Variants in R3HDM2 observed in about 807,000 individuals in gnomAD.
R3HDM2 encodes R3H domain containing 2.
A neutral mutation model predicts 124.5 loss-of-function variants in R3HDM2; 38 were observed. That is an observed-to-expected ratio of 0.31 (90% CI 0.24 to 0.40). R3HDM2 has a LOEUF of 0.40. Among genes scored for constraint, R3HDM2 ranks in the 10% least tolerant of loss-of-function variants. The pLI is 1.00. For synonymous variants in R3HDM2, 391 were observed against 448.0 expected (o/e 0.87, Z 1.61); for missense variants, 869 against 1,236.9 (o/e 0.70, Z 4.46).
intron 12 of R3HDM2, among the ~76,000 whole-genome samples, chr12:57,285,926 C>T (rs2047231692): frequency 6.6e-6 from 1 of 152,144 alleles, no homozygotes; most frequent in African/African-American, 2.4e-5. Flanking sequence ...CCAGTTTCCC[C>T]AAGACAGTGA....
rs371280595 is a variant in R3HDM2, at chr12:57,359,861, T to C, written c.-36+35888A>G. On this transcript the variant is annotated intron_variant, in intron 2 of 23. Transcript: ENST00000402412. Reference sequence around the variant, plus strand: ...TTTAAGAAGTGGTTTATTTAGTGTATACTTTTATCATAATCTATATTAAAG... The same window carrying C: ...TTTAAGAAGTGGTTTATTTAGTGTACACTTTTATCATAATCTATATTAAAG... Among the ~76,000 whole-genome samples, 21 of 151,926 alleles carry C rather than the reference T, an allele frequency of 1.4e-4. No homozygotes were observed. The East Asian group carries it at 2.9e-3, about 21-fold the overall frequency.
chr12:57,375,901 T>C (rs911992217), intron 2 of R3HDM2, among the ~76,000 whole-genome samples: 2 of 152,078 alleles, frequency 1.3e-5, no homozygotes, highest in Non-Finnish European at 2.9e-5. Flanking sequence ...CTCGATCTCC[T>C]GACCTCGTGA....
At chr12:57,283,259 A>G in intron 13 of R3HDM2, among the ~76,000 whole-genome samples, 1 of 152,192 alleles carries the variant, frequency 6.6e-6, no homozygotes, top group East Asian at 1.9e-4. Context: ...GTTCCACCTT[A>G]CATGAAAATC....
At chr12:57,409,689 T>A (rs11172203) in intron 1 of R3HDM2, among the ~76,000 whole-genome samples, 55,948 of 139,400 alleles carry the variant, frequency 0.4, 11,733 homozygotes, top group Middle Eastern at 0.76. Flanking sequence ...AGCCCCTTTA[T>A]CCCTTTTGTA....
intron 2 of R3HDM2, among the ~76,000 whole-genome samples, chr12:57,359,991 G>GTAAATAAATAAA (rs1217708029): frequency 2.4e-5 from 3 of 125,260 alleles, no homozygotes; most frequent in African/African-American, 8.7e-5. Context: ...ATTGTTTTCA[G>GTAAATAAATAAA]TAAATAAATA....
At chr12:57,391,383 T>C (rs1019324934) in intron 2 of R3HDM2, among the ~76,000 whole-genome samples, 1 of 152,196 alleles carries the variant, frequency 6.6e-6, no homozygotes, top group Non-Finnish European at 1.5e-5. Flanking sequence ...ACTATAGGAT[T>C]CCATCTGTGT....
chr12:57,306,671 G>A (rs1040319174), intron 3 of R3HDM2, among the ~76,000 whole-genome samples: 1 of 151,968 alleles, frequency 6.6e-6, no homozygotes, highest in African/African-American at 2.4e-5. Context: ...GCCTCCCAAA[G>A]TGCTGAGATT....
chr12:57,256,340 T>C lies in R3HDM2; in HGVS notation c.2547+74A>G, dbSNP rs1000918296. 2.2e-5 allele frequency: 28 copies of C among 1,279,372 alleles called. No individual in the cohort carries two copies. In the Admixed American group the frequency reaches 3.5e-4, roughly 16 times the overall value. 79.3% of individuals were successfully genotyped at this position (1,279,372 alleles called of 1,614,324 possible). On this transcript the variant is annotated intron_variant, in intron 22 of 23. Coordinates refer to ENST00000402412, the MANE Select transcript of R3HDM2 (RefSeq NM_001394031.1). ...TTATTTCCCTTGTATACCCAGCTGG[T>C]TGAAGCTCAGACACAGGCACCCAAA...
intron 2 of R3HDM2, among the ~76,000 whole-genome samples, chr12:57,357,794 G>T (rs1167920797): frequency 2.6e-5 from 4 of 151,638 alleles, no homozygotes; most frequent in African/African-American, 9.7e-5. Flanking sequence ...ACTATTTAAT[G>T]CTATAAACTT....
At chr12:57,404,060 C>T (rs1162003620) in intron 1 of R3HDM2, among the ~76,000 whole-genome samples, 43 of 36,730 alleles carry the variant, frequency 1.2e-3, no homozygotes, top group African/African-American at 3.6e-3. Flanking sequence ...AAAGTCCACT[C>T]CTAATTTTTT....
chr12:57,283,198 G>A (rs2138025469), intron 13 of R3HDM2, among the ~76,000 whole-genome samples: 1 of 152,272 alleles, frequency 6.6e-6, no homozygotes, highest in South Asian at 2.1e-4. Context: ...GAATGAAAGT[G>A]GCTATCATTT....
chr12:57,345,840 G>A (rs2060032499), intron 2 of R3HDM2, among the ~76,000 whole-genome samples: 1 of 152,058 alleles, frequency 6.6e-6, no homozygotes, highest in Admixed American at 6.6e-5. Flanking sequence ...ACCATGCCTG[G>A]CAGCTTCATA....
Position 57,254,606 on chromosome 12 carries a change from T to G in R3HDM2, c.*167A>C, listed in dbSNP as rs1344237328. The G allele has an allele frequency of 8.3e-6, 5 of 605,568 alleles. No individual in the cohort carries two copies. Among genetic ancestry groups the G allele is most frequent in the African/African-American group, 7.8e-5 (4 of 51,314 alleles). The allele number at this position is 605,568 out of a possible 1,614,324, so 37.5% of individuals were successfully genotyped here. On this transcript the variant is annotated 3_prime_UTR_variant, in exon 24 of 24. Transcript: ENST00000402412. ...CCCATGGCAGGGGAGCAAGAAGGAG[T>G]CCAATGCCAGTGTAGGTATCTGTGT...
intron 14 of R3HDM2, among the ~76,000 whole-genome samples, chr12:57,278,213 C>A (rs907419117): frequency 1.3e-5 from 2 of 152,142 alleles, no homozygotes; most frequent in African/African-American, 2.4e-5. Context: ...AACCTGGCAC[C>A]ACACTCCCCA....
At chr12:57,360,033 ATATATATATATATATT>A (rs2061718453) in intron 2 of R3HDM2, among the ~76,000 whole-genome samples, 1 of 68,094 alleles carries the variant, frequency 1.5e-5, no homozygotes, top group Admixed American at 2.3e-4. Flanking sequence ...ACACACATAT[ATATATATATATATATT>A]TTTTTTTTTT....
intron 12 of R3HDM2, 84 bp from the exon 13 acceptor site, chr12:57,284,140 A>G (rs1565962074): frequency 5.0e-6 from 6 of 1,209,156 alleles, no homozygotes; most frequent in Middle Eastern, 2.6e-4. Flanking sequence ...TATTCTCTCA[A>G]TAACAAAGAA....
intron 2 of R3HDM2, among the ~76,000 whole-genome samples, chr12:57,335,647 G>A (rs2058759745): frequency 6.7e-6 from 1 of 149,692 alleles, no homozygotes; most frequent in African/African-American, 2.5e-5. Context: ...ACAGGCAGGT[G>A]CCACCATACC....
chr12:57,427,888 GGT>G (rs1363854783), intron 1 of R3HDM2, among the ~76,000 whole-genome samples: 1 of 151,864 alleles, frequency 6.6e-6, no homozygotes, highest in African/African-American at 2.4e-5. Context: ...GGTGGAGGTG[GGT>G]GGATCACTTA....
At chr12:57,410,743 T>C (rs1224770925) in intron 1 of R3HDM2, among the ~76,000 whole-genome samples, 1 of 152,108 alleles carries the variant, frequency 6.6e-6, no homozygotes, top group Non-Finnish European at 1.5e-5. Context: ...GTCTCAGCTA[T>C]GTGGGAGGAT....
Sources: allele counts gnomAD v4.1 joint callset (sites outside exome capture counted in the v4.1 genomes callset), GRCh38; gene constraint gnomAD v4.1.1; transcripts MANE v1.5; gene names NCBI Gene and HGNC (gene_info 2026-07-23, HGNC 2026-07-21).